The following SLIT3 variants were observed in gnomAD, a reference collection of about 807,000 sequenced individuals.
The protein encoded by SLIT3 is slit homolog 3 protein.
Under a neutral mutation model 184.0 loss-of-function variants are expected in SLIT3, and 68 were observed. That is an observed-to-expected ratio of 0.37 (90% CI 0.30 to 0.45). The LOEUF (loss-of-function observed/expected upper bound fraction) is 0.45, where lower values mean the gene tolerates loss of function less well. SLIT3 is among the 20% of genes least tolerant of loss of function. The pLI, the probability that SLIT3 is intolerant of heterozygous loss-of-function variation, is 1.00. For missense variants in SLIT3, 1,707 were observed against 2,026.0 expected (o/e 0.84, Z 3.02); for synonymous variants, 831 against 828.6 (o/e 1.00, Z -0.05).
chr5:168,951,403 A>G (rs1037606476), intron 4 of SLIT3, among the ~76,000 whole-genome samples: 1 of 152,178 alleles, frequency 6.6e-6, no homozygotes, highest in Non-Finnish European at 1.5e-5. Flanking sequence ...CCCCAGGTAG[A>G]AGATCAGGCA....
chr5:168,865,473 T>C (rs919851523), intron 5 of SLIT3, among the ~76,000 whole-genome samples: 4 of 152,224 alleles, frequency 2.6e-5, no homozygotes, highest in African/African-American at 9.6e-5. Context: ...AAGTGAAAGA[T>C]GTTAGCTACA....
intron 5 of SLIT3, among the ~76,000 whole-genome samples, chr5:168,882,078 C>T (rs1759975794): frequency 6.6e-6 from 1 of 152,196 alleles, no homozygotes; most frequent in African/African-American, 2.4e-5. Flanking sequence ...ACAGGGGAGG[C>T]AGATAACCTG....
chr5:169,096,423 T>G (rs957113088), intron 4 of SLIT3, among the ~76,000 whole-genome samples: 3 of 152,254 alleles, frequency 2.0e-5, no homozygotes, highest in Non-Finnish European at 2.9e-5. Context: ...AAGGGCCAGA[T>G]AGAAATGTTT....
chr5:168,785,937 A>T lies in SLIT3; in HGVS notation c.1121T>A (p.Leu374Gln), dbSNP rs745931086. 5 of 1,612,820 alleles carry T rather than the reference A, an allele frequency of 3.1e-6. No homozygotes were observed. Among genetic ancestry groups the T allele is most frequent in the Admixed American group, 3.3e-5 (2 of 59,970 alleles). The change falls in exon 12 of 36, where the codon CTG becomes CAG. Residue 374 changes from leucine to glutamine, a missense_variant. By Grantham distance (113) the Leu-to-Gln change is moderately radical. This residue lies in a region of SLIT3 where 1,307 missense variants were observed against 1,511.6 expected (regional missense o/e 0.86). Coordinates refer to ENST00000519560, the MANE Select transcript of SLIT3 (RefSeq NM_003062.4). ...GNKITEIVKG[L>Q]FDGLVSLQLL... is the part of the protein sequence containing the mutation. ...CTGTAGGGACACCAGCCCATCAAAC[A>T]GTCCCTTGACAATCTCGGTGATCTT...
chr5:168,875,611 G>C (rs6879541), intron 5 of SLIT3, among the ~76,000 whole-genome samples: 1 of 151,238 alleles, frequency 6.6e-6, no homozygotes, highest in Non-Finnish European at 1.5e-5. Context: ...CCCGGCCTGG[G>C]CAACAAGAGC....
At position 169,259,184 on chromosome 5, in the gene SLIT3, C is replaced by T. The variant is rs184639277; in HGVS notation, c.198-7725G>A. ...ACCTCCCAGGTTCAAGTGATCCTCC[C>T]GAGTAGCTGGGATTACAGGTGCCAT... On this transcript the variant is annotated intron_variant, in intron 1 of 35. Coordinates refer to ENST00000519560, the MANE Select transcript of SLIT3 (RefSeq NM_003062.4). Among the ~76,000 whole-genome samples, 41 of 152,194 alleles carry T rather than the reference C, an allele frequency of 2.7e-4. 2 individuals carry two copies. The highest frequency in any genetic ancestry group is 2.4e-4 in the Non-Finnish European group (16 of 68,010).
intron 3 of SLIT3, among the ~76,000 whole-genome samples, chr5:169,203,739 G>C (rs908929210): frequency 6.6e-6 from 1 of 152,154 alleles, no homozygotes; most frequent in Non-Finnish European, 1.5e-5. Flanking sequence ...AGAGCAGACA[G>C]GATTTGCTGA....
intron 1 of SLIT3, among the ~76,000 whole-genome samples, chr5:169,288,325 A>G (rs1397592957): frequency 6.6e-6 from 1 of 150,752 alleles, no homozygotes; most frequent in Non-Finnish European, 1.5e-5. Context: ...CTCAGATACA[A>G]TTGTTCTCAG....
chr5:169,217,297 C>T (rs574001107), intron 3 of SLIT3, among the ~76,000 whole-genome samples: 29 of 152,164 alleles, frequency 1.9e-4, no homozygotes, highest in African/African-American at 6.7e-4. Context: ...AAGACAATGA[C>T]TCTCTCAAGA....
intron 4 of SLIT3, among the ~76,000 whole-genome samples, chr5:169,108,579 G>T (rs756997092): frequency 6.6e-6 from 1 of 152,198 alleles, no homozygotes; most frequent in Non-Finnish European, 1.5e-5. Flanking sequence ...ATGACTGGAG[G>T]TATCTGTAAC....
rs766822479 is a variant in SLIT3 at position 169,137,331 on chromosome 5, C to CAGAGAGAGAGAGAG, written c.413+56147_413+56148insCTCTCTCTCTCTCT. Among the ~76,000 whole-genome samples the CAGAGAGAGAGAGAG allele has an allele frequency of 8.2e-3, 1,085 of 131,880 alleles. 12 individuals carry two copies. Among genetic ancestry groups the CAGAGAGAGAGAGAG allele is most frequent in the South Asian group, 0.039 (144 of 3,714 alleles). The allele number at this position is 131,880 out of a possible 152,430, so 86.5% of individuals were successfully genotyped here. On this transcript the variant is annotated intron_variant, in intron 4 of 35. Transcript: ENST00000519560. ...ACACACACACACACACACACACACACACACAGAGAGAGAGAGAGAGAGAGA... is the reference window on the plus strand; with the variant it reads ...ACACACACACACACACACACACACACAGAGAGAGAGAGAGACACAGAGAGAGAGAGAGAGAGAGA...
chr5:168,696,637 A>G (rs922203652), intron 27 of SLIT3, among the ~76,000 whole-genome samples: 1 of 152,154 alleles, frequency 6.6e-6, no homozygotes, highest in Admixed American at 6.5e-5. Flanking sequence ...ATCCAACCCC[A>G]TCTCCAGGCA....
At chr5:168,879,439 T>G (rs1759870222) in intron 5 of SLIT3, among the ~76,000 whole-genome samples, 1 of 152,244 alleles carries the variant, frequency 6.6e-6, no homozygotes, top group African/African-American at 2.4e-5. Flanking sequence ...ATTTAATTTG[T>G]GCTAAATGTC....
chr5:168,783,856 C>A (rs1238156508), intron 12 of SLIT3, among the ~76,000 whole-genome samples: 2 of 152,182 alleles, frequency 1.3e-5, no homozygotes, highest in African/African-American at 2.4e-5. Context: ...CTCTTGGTCT[C>A]AAGAGAGGAG....
intron 3 of SLIT3, among the ~76,000 whole-genome samples, chr5:169,199,029 CAT>C (rs1397036797): frequency 6.6e-6 from 1 of 151,438 alleles, no homozygotes; most frequent in African/African-American, 2.4e-5. Flanking sequence ...CACACACACA[CAT>C]ACATACATAT....
At chr5:168,762,500 T>A in intron 15 of SLIT3, 39 bp downstream of exon 15, 1 of 1,594,952 alleles carries the variant, frequency 6.3e-7, no homozygotes, top group Non-Finnish European at 8.6e-7. Flanking sequence ...GACTGGCGTG[T>A]GGGGAGGAGT....
intron 6 of SLIT3, among the ~76,000 whole-genome samples, chr5:168,842,802 T>C (rs2113710657): frequency 6.6e-6 from 1 of 152,330 alleles, no homozygotes; most frequent in East Asian, 1.9e-4. Context: ...TTGTCACAGC[T>C]GTTTCGTGGC....
intron 5 of SLIT3, among the ~76,000 whole-genome samples, chr5:168,876,508 C>T (rs751228737): frequency 9.2e-5 from 14 of 152,172 alleles, no homozygotes; most frequent in African/African-American, 3.1e-4. Context: ...AAATCTCTCA[C>T]GAGCATCAAC....
At chr5:168,712,179 A>G in intron 24 of SLIT3, 104 bp downstream of exon 24, 2 of 954,908 alleles carry the variant, frequency 2.1e-6, no homozygotes, top group Non-Finnish European at 1.7e-6. Flanking sequence ...CTGTATGCAT[A>G]AGGAAAGGAC....
Sources: allele counts gnomAD v4.1 joint callset (sites outside exome capture counted in the v4.1 genomes callset), GRCh38; gene constraint gnomAD v4.1.1; regional missense constraint gnomAD v4.1.1; transcripts MANE v1.5; gene names NCBI Gene and HGNC (gene_info 2026-07-23, HGNC 2026-07-21).